The following FAT3 variants were observed in gnomAD, a reference collection of about 807,000 sequenced individuals.
FAT3 encodes the protein FAT atypical cadherin 3, also known as protocadherin Fat 3.
Under a neutral mutation model 310.2 loss-of-function variants are expected in FAT3, and 95 were observed. The ratio of observed to expected loss-of-function variants is 0.31; its 90% CI spans 0.26 to 0.36. FAT3 has a LOEUF of 0.36. Among genes scored for constraint, FAT3 ranks in the 10% least tolerant of loss-of-function variants. The probability of loss-of-function intolerance (pLI) is 1.00; values close to 1 mark genes in which losing one functional copy is unlikely to be tolerated. For missense variants in FAT3, 5,408 were observed against 5,715.6 expected (o/e 0.95, Z 1.74); for synonymous variants, 2,314 against 2,192.9 (o/e 1.06, Z -1.54).
chr11:92,773,954 T>C, intron 6 of FAT3, 87 bp from the exon 7 acceptor site: 1 of 1,491,402 alleles, frequency 6.7e-7, no homozygotes, highest in Non-Finnish European at 9.0e-7. Context: ...AAAATTTCTG[T>C]ATAAGAGCTC....
intron 1 of FAT3, among the ~76,000 whole-genome samples, chr11:92,301,620 A>G (rs1490020751): frequency 2.0e-5 from 3 of 152,088 alleles, no homozygotes; most frequent in Admixed American, 6.6e-5. Context: ...TTTATTGGGG[A>G]CACTTATACC....
At chr11:92,679,471 T>C (rs191706311) in intron 3 of FAT3, among the ~76,000 whole-genome samples, 32 of 152,216 alleles carry the variant, frequency 2.1e-4, no homozygotes, top group Admixed American at 1.9e-3. Flanking sequence ...CTAGTATTTT[T>C]TGTTTTTTTA....
chr11:92,457,322 G>A (rs553817834), intron 2 of FAT3, among the ~76,000 whole-genome samples: 2 of 152,246 alleles, frequency 1.3e-5, no homozygotes, highest in South Asian at 2.1e-4. Context: ...GAGATACAAT[G>A]GAAGCATGCT....
chr11:92,742,296 C>T (rs939357231), intron 4 of FAT3, among the ~76,000 whole-genome samples: 6 of 152,134 alleles, frequency 3.9e-5, no homozygotes, highest in Non-Finnish European at 8.8e-5. Context: ...TACAGCAGGC[C>T]TTAGAGGATT....
At chr11:92,248,658 T>A (rs1323348816) in intron 1 of FAT3, among the ~76,000 whole-genome samples, 5 of 152,040 alleles carry the variant, frequency 3.3e-5, no homozygotes, top group African/African-American at 7.2e-5. Context: ...TTGTAGAAAA[T>A]AGTAGATATT....
Position 92,604,171 on chromosome 11 carries a change from A to G in FAT3, c.3607+79223A>G, listed in dbSNP as rs76938059. ...TTTCTGTATTACCAAACAGGAGGGA[A>G]CTTCTTGAAAGTTTACCCATAGTAA... On this transcript the variant is annotated intron_variant, in intron 3 of 27. Transcript: ENST00000525166. 7.1e-3 allele frequency among the ~76,000 whole-genome samples: 1,079 copies of G among 152,292 alleles called. 14 individuals are homozygous for G. The highest frequency in any genetic ancestry group is 0.024 in the African/African-American group (1,017 of 41,576).
intron 2 of FAT3, among the ~76,000 whole-genome samples, chr11:92,479,202 G>A (rs1219137634): frequency 6.7e-6 from 1 of 149,782 alleles, no homozygotes; most frequent in Non-Finnish European, 1.5e-5. Flanking sequence ...GTAGCGACAG[G>A]ATTTTTCCAT....
chr11:92,572,597 A>G (rs1938239316), intron 3 of FAT3, among the ~76,000 whole-genome samples: 2 of 152,212 alleles, frequency 1.3e-5, no homozygotes, highest in African/African-American at 4.8e-5. Context: ...TATAATCACT[A>G]ACACATCAGG....
At chr11:92,773,505 A>T (rs747456095) in intron 6 of FAT3, among the ~76,000 whole-genome samples, 8 of 151,984 alleles carry the variant, frequency 5.3e-5, no homozygotes, top group South Asian at 2.1e-4. Context: ...TTAATATGAA[A>T]TTTTTTTGCT....
chr11:92,838,496 A>G (rs1948460621), intron 17 of FAT3, among the ~76,000 whole-genome samples: 1 of 152,092 alleles, frequency 6.6e-6, no homozygotes. Flanking sequence ...AGCGTCCTCT[A>G]CTTCTCAGTA....
intron 3 of FAT3, among the ~76,000 whole-genome samples, chr11:92,680,064 C>A (rs1943429847): frequency 6.6e-6 from 1 of 151,350 alleles, no homozygotes; most frequent in Non-Finnish European, 1.5e-5. Flanking sequence ...TCCATTCACT[C>A]CATTTATTAC....
intron 1 of FAT3, among the ~76,000 whole-genome samples, chr11:92,309,598 C>A (rs1166781898): frequency 6.6e-6 from 1 of 152,082 alleles, no homozygotes; most frequent in Non-Finnish European, 1.5e-5. Flanking sequence ...CTCCTCTCTT[C>A]TTCAGGACAA....
intron 4 of FAT3, among the ~76,000 whole-genome samples, chr11:92,747,322 C>G (rs1244847214): frequency 6.6e-6 from 1 of 152,246 alleles, no homozygotes; most frequent in Non-Finnish European, 1.5e-5. Context: ...CCCTCTGAAG[C>G]AATGGCCTGA....
chr11:92,579,318 A>G (rs1938661839), intron 3 of FAT3, among the ~76,000 whole-genome samples: 1 of 152,130 alleles, frequency 6.6e-6, no homozygotes, highest in Non-Finnish European at 1.5e-5. Flanking sequence ...GATGGCAACT[A>G]GAGGATAGAA....
chr11:92,518,012 C>T (rs778362752), intron 2 of FAT3, among the ~76,000 whole-genome samples: 10 of 152,128 alleles, frequency 6.6e-5, no homozygotes, highest in Non-Finnish European at 1.3e-4. Flanking sequence ...AGTGCTTTTA[C>T]ACTGTTGGTG....
intron 3 of FAT3, among the ~76,000 whole-genome samples, chr11:92,635,694 A>C (rs910953999): frequency 1.3e-5 from 2 of 152,224 alleles, no homozygotes; most frequent in Non-Finnish European, 2.9e-5. Context: ...CAGAGCTGCT[A>C]TTTAACTCAG....
At chr11:92,788,752 G>A (rs937265837) in intron 7 of FAT3, among the ~76,000 whole-genome samples, 3 of 152,098 alleles carry the variant, frequency 2.0e-5, no homozygotes, top group Non-Finnish European at 4.4e-5. Context: ...AAGAAATACA[G>A]GGTACAGAGG....
At chr11:92,271,238 G>A (rs1157701690) in intron 1 of FAT3, among the ~76,000 whole-genome samples, 1 of 152,026 alleles carries the variant, frequency 6.6e-6, no homozygotes, top group Non-Finnish European at 1.5e-5. Flanking sequence ...AAGATTCCAT[G>A]CCTGCAACTC....
At chr11:92,855,032 G>T (rs1448369842) in intron 19 of FAT3, among the ~76,000 whole-genome samples, 1 of 152,214 alleles carries the variant, frequency 6.6e-6, no homozygotes, top group Non-Finnish European at 1.5e-5. Flanking sequence ...GATGCATGTT[G>T]TGATTCATAT....
Sources: allele counts gnomAD v4.1 joint callset (sites outside exome capture counted in the v4.1 genomes callset), GRCh38; gene constraint gnomAD v4.1.1; transcripts MANE v1.5; gene names NCBI Gene and HGNC (gene_info 2026-07-23, HGNC 2026-07-21).